The following DNAH7 variants were observed in gnomAD, a reference collection of about 807,000 sequenced individuals.
The protein encoded by DNAH7 is axonemal beta dynein heavy chain 7.
Under a neutral mutation model 444.6 loss-of-function variants are expected in DNAH7, and 397 were observed. The observed-to-expected ratio is 0.89, with a 90% confidence interval of 0.82 to 0.97. The LOEUF (loss-of-function observed/expected upper bound fraction) is 0.97. DNAH7 is among the 50% of genes least tolerant of loss of function. DNAH7 has a pLI of 0.00. For missense variants in DNAH7, 4,902 were observed against 4,800.8 expected (o/e 1.02, Z -0.62); for synonymous variants, 1,636 against 1,624.4 (o/e 1.01, Z -0.17).
chr2:195,983,826 G>A (rs1437598158), intron 15 of DNAH7, among the ~76,000 whole-genome samples: 2 of 152,134 alleles, frequency 1.3e-5, no homozygotes, highest in Non-Finnish European at 2.9e-5. Flanking sequence ...AAAATAAAAT[G>A]TCACTTAAGG....
At chr2:195,819,308 C>A (rs1293685453) in intron 49 of DNAH7, among the ~76,000 whole-genome samples, 1 of 152,186 alleles carries the variant, frequency 6.6e-6, no homozygotes, top group East Asian at 1.9e-4. Flanking sequence ...ACCTCTCTCC[C>A]AGACCAGAAT....
In DNAH7 at chr2:195,740,605, GTGTGTGTGTGTATA is replaced by G. The variant is rs1208930250; in HGVS notation, c.11868+147_11868+160del. Among the ~76,000 whole-genome samples, 6 of 54,836 alleles carry G rather than the reference GTGTGTGTGTGTATA, an allele frequency of 1.1e-4. No homozygotes were observed. In the East Asian group the frequency reaches 2.6e-3, roughly 24 times the overall value. 36.0% of individuals were successfully genotyped at this position (54,836 alleles called of 152,430 possible). ...TGTATATGTGTGTGTGTGTGTGTGTGTGTGTGTGTGTATATATATATATATATATATATATATAT... is the reference window on the plus strand; with the variant it reads ...TGTATATGTGTGTGTGTGTGTGTGTGTATATATATATATATATATATATAT... On this transcript the variant is annotated intron_variant, in intron 64 of 64. Coordinates refer to ENST00000312428, the MANE Select transcript of DNAH7 (RefSeq NM_018897.3).
At chr2:195,953,508 G>A (rs1047326529) in intron 19 of DNAH7, among the ~76,000 whole-genome samples, 6 of 152,204 alleles carry the variant, frequency 3.9e-5, no homozygotes, top group African/African-American at 1.2e-4. Flanking sequence ...AGGTAGGAAC[G>A]TTTAAGTCTG....
chr2:195,770,861 C>T (rs1374826418), intron 61 of DNAH7, among the ~76,000 whole-genome samples: 2 of 150,258 alleles, frequency 1.3e-5, no homozygotes, highest in African/African-American at 2.5e-5. Flanking sequence ...ACCACAATGC[C>T]CAGCATTTTT....
At position 196,012,772 on chromosome 2, in the gene DNAH7, A is replaced by G; in HGVS notation, c.989+15T>C. The G allele has an allele frequency of 6.3e-7, 1 of 1,597,384 alleles. No individual in the cohort carries two copies. The highest frequency in any genetic ancestry group is 1.7e-5 in the Admixed American group (1 of 57,364). ...TTAAACTTATGCTTTCCTACATGAAATTTCAAACCTTTACATTTTAAGTAG... is the reference window on the plus strand; with the variant it reads ...TTAAACTTATGCTTTCCTACATGAAGTTTCAAACCTTTACATTTTAAGTAG... On this transcript the variant is annotated intron_variant, in intron 10 of 64. Transcript: ENST00000312428.
At chr2:196,047,681 A>G (rs1697225651) in intron 4 of DNAH7, among the ~76,000 whole-genome samples, 182 bp from the exon 5 acceptor site, 2 of 151,652 alleles carry the variant, frequency 1.3e-5, no homozygotes, top group South Asian at 4.2e-4. Flanking sequence ...TTGTATCATC[A>G]TAACTAGAAA....
intron 5 of DNAH7, among the ~76,000 whole-genome samples, chr2:196,045,143 GAGAAGGAGGAGGAGA>G (rs1261692571): frequency 8.0e-5 from 12 of 149,364 alleles, no homozygotes; most frequent in Admixed American, 1.3e-4. Context: ...GGAGGAGGAG[GAGAAGGAGGAGGAGA>G]AGAAGGAGGA....
intron 62 of DNAH7, 74 bp from the exon 63 acceptor site, chr2:195,754,588 TC>T: frequency 6.8e-7 from 1 of 1,460,560 alleles, no homozygotes; most frequent in Non-Finnish European, 9.2e-7. Flanking sequence ...AGACAGGATC[TC>T]TGGTTGCCCA....
chr2:195,983,917 A>G (rs1692735272), intron 15 of DNAH7, among the ~76,000 whole-genome samples: 1 of 152,238 alleles, frequency 6.6e-6, no homozygotes, highest in Non-Finnish European at 1.5e-5. Context: ...TGTTCCTGTT[A>G]GCATGGCAAT....
At position 195,988,169 on chromosome 2, in the gene DNAH7, G is replaced by T; in HGVS notation, c.1414C>A (p.His472Asn). ...PIILNEIVDA[H>N]KEKIKEVIMK... is the part of the protein sequence containing the mutation. ...ATAACTTCCTTGATCTTTTCTTTGT[G>T]AGCATCTACAATTTCATTCAGAATT... Residue 472 changes from histidine (H) to asparagine (N), a missense_variant, in exon 13 of 65, where the codon CAC (histidine) becomes AAC (asparagine). By Grantham distance (68) the His-to-Asn change is moderately conservative. Transcript: ENST00000312428. The T allele has an allele frequency of 6.2e-7, 1 of 1,613,356 alleles. No individual in the cohort carries two copies. The highest frequency in any genetic ancestry group is 8.5e-7 in the Non-Finnish European group (1 of 1,179,634).
At chr2:195,889,877 T>C (rs1229724631) in intron 31 of DNAH7, among the ~76,000 whole-genome samples, 1 of 152,090 alleles carries the variant, frequency 6.6e-6, no homozygotes, top group Non-Finnish European at 1.5e-5. Context: ...TTACAACCAA[T>C]ATAACATTCA....
intron 9 of DNAH7, among the ~76,000 whole-genome samples, chr2:196,015,132 A>G (rs888766758): frequency 2.0e-5 from 3 of 152,132 alleles, no homozygotes; most frequent in African/African-American, 7.2e-5. Context: ...TAATTATGAT[A>G]GGTATGGCTA....
intron 3 of DNAH7, among the ~76,000 whole-genome samples, 155 bp from the exon 4 acceptor site, chr2:196,048,559 G>A (rs1302789506): frequency 2.0e-5 from 3 of 152,208 alleles, no homozygotes; most frequent in Non-Finnish European, 2.9e-5. Context: ...TCAAGCCTGT[G>A]AATGGTCATG....
chr2:195,932,341 G>C (rs1404886417), intron 21 of DNAH7, among the ~76,000 whole-genome samples: 1 of 152,166 alleles, frequency 6.6e-6, no homozygotes, highest in Non-Finnish European at 1.5e-5. Flanking sequence ...GGGTTTTCTA[G>C]ATATACAATC....
chr2:195,875,887 A>C, intron 37 of DNAH7, 44 bp from the exon 38 acceptor site: 811 of 1,542,014 alleles, frequency 5.3e-4, no homozygotes, highest in Non-Finnish European at 6.6e-4. Flanking sequence ...TTAACATCTC[A>C]ACATACAGTC....
At position 196,068,831 on chromosome 2, in the gene DNAH7, G is replaced by T; in HGVS notation, c.-120C>A. ...CGGTCTCAGCTCCCTCCGCACCAGA[G>T]CCGTCTAGCGTCCGGGCAGCGTTTG... is the stretch of plus-strand genomic sequence containing the variant. On this transcript the variant is annotated 5_prime_UTR_variant, in exon 1 of 65. Transcript: ENST00000312428. The T allele has an allele frequency of 7.7e-7, 1 of 1,295,454 alleles. No homozygotes were observed. The highest frequency in any genetic ancestry group is 1.1e-6 in the Non-Finnish European group (1 of 946,780). 80.2% of individuals were successfully genotyped at this position (1,295,454 alleles called of 1,614,324 possible).
At chr2:196,062,550 ACAT>A (rs979886479) in intron 1 of DNAH7, among the ~76,000 whole-genome samples, 3 of 152,170 alleles carry the variant, frequency 2.0e-5, no homozygotes, top group Admixed American at 6.5e-5. Context: ...AGTTTCTCAC[ACAT>A]CATCATTTTA....
intron 16 of DNAH7, among the ~76,000 whole-genome samples, chr2:195,971,960 TCA>T (rs1229087424): frequency 1.3e-5 from 2 of 152,150 alleles, no homozygotes; most frequent in Non-Finnish European, 2.9e-5. Context: ...TTATTAACTA[TCA>T]CCTATGCATG....
At chr2:195,986,240 G>A (rs192756178) in intron 14 of DNAH7, among the ~76,000 whole-genome samples, 8 of 152,254 alleles carry the variant, frequency 5.3e-5, no homozygotes, top group African/African-American at 1.4e-4. Context: ...ACTGGTTTGT[G>A]TGTCTATTTC....
Sources: allele counts gnomAD v4.1 joint callset (sites outside exome capture counted in the v4.1 genomes callset), GRCh38; gene constraint gnomAD v4.1.1; transcripts MANE v1.5; gene names NCBI Gene and HGNC (gene_info 2026-07-23, HGNC 2026-07-21).